PDE7B: variants seen among roughly 807,000 people sequenced by gnomAD.
PDE7B encodes phosphodiesterase 7B, also known as 3',5'-cyclic-AMP phosphodiesterase 7B.
Under a neutral mutation model 56.2 loss-of-function variants are expected in PDE7B, and 29 were observed. The ratio of observed to expected loss-of-function variants is 0.52; its 90% CI spans 0.38 to 0.70. The LOEUF is 0.70. Ranked by LOEUF, PDE7B falls within the 30% of genes least tolerant of loss-of-function variation. The pLI is 0.00. For synonymous variants in PDE7B, 197 were observed against 196.9 expected (o/e 1.00, Z 0.00); for missense variants, 490 against 565.0 (o/e 0.87, Z 1.35).
At chr6:136,021,178 C>G (rs2128208112) in intron 2 of PDE7B, among the ~76,000 whole-genome samples, 1 of 152,280 alleles carries the variant, frequency 6.6e-6, no homozygotes, top group African/African-American at 2.4e-5. Flanking sequence ...ACTCAGACTA[C>G]CTACTTGACA....
chr6:136,045,195 A>T (rs537437718), intron 2 of PDE7B, among the ~76,000 whole-genome samples: 1 of 152,270 alleles, frequency 6.6e-6, no homozygotes, highest in South Asian at 2.1e-4. Flanking sequence ...AGCAGAGCTC[A>T]CGGAATTTGT....
chr6:135,964,635 T>C (rs559219683), intron 2 of PDE7B, among the ~76,000 whole-genome samples: 74 of 152,256 alleles, frequency 4.9e-4, no homozygotes, highest in African/African-American at 1.8e-3. Flanking sequence ...CTAGAGCGTA[T>C]ATAATATTCT....
In PDE7B at chr6:136,096,207, G is replaced by GAAC. The variant is rs1165775238; in HGVS notation, c.83-12522_83-12520dup. 2.0e-5 allele frequency: 3 copies of GAAC among 152,208 alleles called. No homozygotes were observed. In the East Asian group the frequency reaches 5.8e-4, roughly 29 times the overall value. The allele number at this position is 152,208 out of a possible 1,614,324, so 9.4% of individuals were successfully genotyped here. On this transcript the variant is annotated intron_variant, in intron 2 of 12. Coordinates refer to ENST00000308191, the MANE Select transcript of PDE7B (RefSeq NM_018945.4). ...CAGACTTGGTGTGGAAGTCTCCTAA[G>GAAC]AACAGACTATCTCCTGGGACTTGGA...
chr6:136,150,854 CAT>C (rs1491269331), intron 5 of PDE7B, among the ~76,000 whole-genome samples: 8 of 73,558 alleles, frequency 1.1e-4, no homozygotes, highest in East Asian at 5.1e-4. Flanking sequence ...CACATATACA[CAT>C]GTGTGTGTGT....
At chr6:135,899,942 T>C (rs934985005) in intron 1 of PDE7B, among the ~76,000 whole-genome samples, 4 of 152,146 alleles carry the variant, frequency 2.6e-5, no homozygotes, top group African/African-American at 7.2e-5. Flanking sequence ...TTATATAACT[T>C]CTGGAATTCT....
intron 1 of PDE7B, among the ~76,000 whole-genome samples, chr6:135,903,959 T>C (rs1282667871): frequency 6.6e-6 from 1 of 151,796 alleles, no homozygotes. Flanking sequence ...GCAATATAGA[T>C]TTAGAGTTGC....
At chr6:135,937,662 C>T (rs1201738855) in intron 1 of PDE7B, among the ~76,000 whole-genome samples, 1 of 152,114 alleles carries the variant, frequency 6.6e-6, no homozygotes, top group Non-Finnish European at 1.5e-5. Flanking sequence ...TAGAAGGGAC[C>T]CCTTTTTCCC....
At chr6:136,169,991 A>T (rs1583921720) in intron 8 of PDE7B, among the ~76,000 whole-genome samples, 4 of 152,304 alleles carry the variant, frequency 2.6e-5, no homozygotes, top group Middle Eastern at 3.4e-3. Context: ...CAGCCTCATG[A>T]AACTTACCTC....
chr6:136,080,942 C>T (rs552292855), intron 2 of PDE7B, among the ~76,000 whole-genome samples: 2 of 152,162 alleles, frequency 1.3e-5, no homozygotes, highest in African/African-American at 4.8e-5. Flanking sequence ...GGAGAAGATA[C>T]TTGAACTGAG....
chr6:136,183,335 T>C (rs1779096879), intron 11 of PDE7B, among the ~76,000 whole-genome samples: 1 of 152,088 alleles, frequency 6.6e-6, no homozygotes, highest in African/African-American at 2.4e-5. Flanking sequence ...GGCTCACGCC[T>C]GTAATCCCAA....
intron 2 of PDE7B, among the ~76,000 whole-genome samples, chr6:136,009,631 G>A (rs925118336): frequency 2.6e-5 from 4 of 151,890 alleles, no homozygotes; most frequent in Middle Eastern, 3.4e-3. Context: ...ATTTGGCTCC[G>A]TTTGTCTGTT....
chr6:135,970,261 A>G (rs1775070784), intron 2 of PDE7B, among the ~76,000 whole-genome samples: 1 of 152,104 alleles, frequency 6.6e-6, no homozygotes, highest in Non-Finnish European at 1.5e-5. Flanking sequence ...GGATAAGGGG[A>G]CAGGGAGTGA....
chr6:136,191,419 C>T (rs953109568), intron 12 of PDE7B, among the ~76,000 whole-genome samples, 195 bp from the exon 13 acceptor site: 1 of 152,236 alleles, frequency 6.6e-6, no homozygotes, highest in African/African-American at 2.4e-5. Flanking sequence ...GTAATCCCAG[C>T]ACTTTGGGAG....
In PDE7B at chr6:135,908,245, C is replaced by T. The variant is rs149933961; in HGVS notation, c.22-39219C>T. ...CTGGGATTACAGGCATGTGCCACCA[C>T]GCCCGACTAATTTTGTATTTTTTTT... On this transcript the variant is annotated intron_variant, in intron 1 of 12. Transcript: ENST00000308191. Among the ~76,000 whole-genome samples, 347 of 148,696 alleles carry T rather than the reference C, an allele frequency of 2.3e-3. 1 individual carries two copies. The highest frequency in any genetic ancestry group is 3.7e-3 in the Non-Finnish European group (248 of 67,684).
intron 2 of PDE7B, among the ~76,000 whole-genome samples, chr6:136,088,551 G>A (rs1181869592): frequency 1.3e-5 from 2 of 152,280 alleles, no homozygotes; most frequent in East Asian, 3.9e-4. Flanking sequence ...AATAGGATTA[G>A]AAGTCAAGTG....
At chr6:136,006,218 G>C (rs897826569) in intron 2 of PDE7B, among the ~76,000 whole-genome samples, 1 of 103,984 alleles carries the variant, frequency 9.6e-6, no homozygotes, top group Non-Finnish European at 1.9e-5. Context: ...GGTGGGGGGA[G>C]GGGGGAGGGA....
rs113341766 is a variant in PDE7B, at chr6:135,913,786, T to C, written c.22-33678T>C. On this transcript the variant is annotated intron_variant, in intron 1 of 12. Transcript: ENST00000308191. ...TCTTTGAAAGAATATGCATTATTTT[T>C]ATATGGCAGAACTTTACACCATTTG... is the stretch of plus-strand genomic sequence containing the variant. Among the ~76,000 whole-genome samples the C allele has an allele frequency of 3.9e-3, 595 of 152,306 alleles. 5 individuals are homozygous for C. The highest frequency in any genetic ancestry group is 0.014 in the African/African-American group (580 of 41,552).
intron 2 of PDE7B, among the ~76,000 whole-genome samples, chr6:136,070,729 ACAT>A (rs1777035370): frequency 6.6e-6 from 1 of 152,176 alleles, no homozygotes; most frequent in Non-Finnish European, 1.5e-5. Flanking sequence ...ATAATTTGCA[ACAT>A]ATTGACTTTT....
chr6:136,125,991 A>G (rs1161492885), intron 3 of PDE7B, among the ~76,000 whole-genome samples: 1 of 152,312 alleles, frequency 6.6e-6, no homozygotes, highest in East Asian at 1.9e-4. Context: ...AAATCATAAT[A>G]AGGCCCTAGC....
Sources: allele counts gnomAD v4.1 joint callset (sites outside exome capture counted in the v4.1 genomes callset), GRCh38; gene constraint gnomAD v4.1.1; transcripts MANE v1.5; gene names NCBI Gene and HGNC (gene_info 2026-07-23, HGNC 2026-07-21).